The following KIF1B variants were observed in gnomAD, a reference collection of about 807,000 sequenced individuals.
The protein encoded by KIF1B is kinesin family member 1B.
In KIF1B, 76 loss-of-function variants were observed where a neutral mutation model predicts 241.9. That is an observed-to-expected ratio of 0.31 (90% CI 0.26 to 0.38). The LOEUF is 0.38. Ranked by LOEUF, KIF1B falls within the 10% of genes least tolerant of loss-of-function variation. The pLI is 1.00. For synonymous variants in KIF1B, 750 were observed against 796.7 expected, an observed-to-expected ratio of 0.94 and a Z score of 0.99; for missense variants, 1,622 against 2,271.4, an observed-to-expected ratio of 0.71 and a Z score of 5.81.
At chr1:10,324,996 G>A (rs1651675130) in intron 26 of KIF1B, 101 bp downstream of exon 26, 4 of 1,292,812 alleles carry the variant, frequency 3.1e-6, no homozygotes, top group Non-Finnish European at 4.5e-6. Flanking sequence ...GAAAAAAAAA[G>A]GTGTAAAAAG....
At chr1:10,324,111 T>C (rs1316268809) in intron 25 of KIF1B, 49 bp downstream of exon 25, 1 of 1,483,064 alleles carries the variant, frequency 6.7e-7, no homozygotes, top group South Asian at 1.1e-5. Flanking sequence ...GAAATAACAA[T>C]GACCTGCTCA....
At chr1:10,259,505 A>AAT (rs1553162997) in intron 4 of KIF1B, among the ~76,000 whole-genome samples, 86 of 121,588 alleles carry the variant, frequency 7.1e-4, no homozygotes, top group Admixed American at 2.0e-3. Flanking sequence ...AAAAAAAAAA[A>AAT]TTTTTTTTTT....
intron 4 of KIF1B, among the ~76,000 whole-genome samples, chr1:10,259,826 G>T (rs1252694201): frequency 6.6e-6 from 1 of 151,658 alleles, no homozygotes; most frequent in South Asian, 2.1e-4. Context: ...TAGAGACAGG[G>T]TCTCACCATG....
intron 1 of KIF1B, among the ~76,000 whole-genome samples, chr1:10,219,408 C>G (rs535940964): frequency 6.7e-6 from 1 of 148,828 alleles, no homozygotes; most frequent in Non-Finnish European, 1.5e-5. Flanking sequence ...TGCAGTGAGC[C>G]GAGATCATGC....
chr1:10,351,484 C>T (rs1165677622), intron 37 of KIF1B, among the ~76,000 whole-genome samples: 1 of 152,158 alleles, frequency 6.6e-6, no homozygotes, highest in South Asian at 2.1e-4. Flanking sequence ...TTGTTATTCT[C>T]GCTTGACATA....
At chr1:10,302,467 C>G (rs1055683683) in intron 22 of KIF1B, among the ~76,000 whole-genome samples, 3 of 152,202 alleles carry the variant, frequency 2.0e-5, no homozygotes, top group Non-Finnish European at 4.4e-5. Context: ...TGACTAAGAA[C>G]TGACATGGTC....
At position 10,365,329 on chromosome 1, in the gene KIF1B, T is replaced by A; in HGVS notation, c.4513-80T>A. ...CAGTCTTCCTCCCCGCTGCTGCATG[T>A]GATCATAGCTTTTCACTTTTCTCTC... On this transcript the variant is annotated intron_variant, in intron 42 of 48. Coordinates refer to ENST00000676179, the MANE Select transcript of KIF1B (RefSeq NM_001365951.3). The surrounding 1 kb of genome is among the most constrained non-coding windows in gnomAD (Gnocchi z 4.0). 2 of 1,613,740 alleles carry A rather than the reference T, an allele frequency of 1.2e-6. No homozygotes were observed. The highest frequency in any genetic ancestry group is 1.7e-6 in the Non-Finnish European group (2 of 1,179,740).
At chr1:10,299,191 T>C (rs1426562307) in intron 22 of KIF1B, 2 of 151,768 alleles carry the variant, frequency 1.3e-5, no homozygotes, top group African/African-American at 4.8e-5. Context: ...CAAGAGTTGG[T>C]GATCATTCTG....
intron 22 of KIF1B, chr1:10,305,755 C>T: frequency 9.5e-7 from 1 of 1,056,340 alleles, no homozygotes. Context: ...GTTGTGGTCT[C>T]AGTTTGCCTC....
intron 5 of KIF1B, among the ~76,000 whole-genome samples, chr1:10,266,403 A>C (rs1334856025): frequency 6.6e-6 from 1 of 152,220 alleles, no homozygotes; most frequent in Non-Finnish European, 1.5e-5. Flanking sequence ...AGCTTAATGC[A>C]TTAATCACCA....
intron 22 of KIF1B, chr1:10,304,234 C>G: frequency 6.2e-7 from 1 of 1,614,126 alleles, no homozygotes; most frequent in Non-Finnish European, 8.5e-7. Flanking sequence ...TAAGGATCCC[C>G]AGTTTCCATG....
rs190129558 is a variant in KIF1B at position 10,288,501 on chromosome 1, C to A, written c.1435-2581C>A. ...TAGCCTTTGAGCCTCTGTGTGTGTT[C>A]TGAAGCCTAATGAGAGCCATTTCAG... On this transcript the variant is annotated intron_variant, in intron 15 of 48. Transcript: ENST00000676179. Among the ~76,000 whole-genome samples, 9 of 152,266 alleles carry A rather than the reference C, an allele frequency of 5.9e-5. No homozygotes were observed. The East Asian group carries it at 1.5e-3, about 26-fold the overall frequency.
intron 41 of KIF1B, among the ~76,000 whole-genome samples, chr1:10,364,706 A>G (rs1638516320): frequency 6.6e-6 from 1 of 152,110 alleles, no homozygotes; most frequent in Admixed American, 6.6e-5. Flanking sequence ...TTTGCTACGT[A>G]TAAGAATTAT....
rs1638894650 is a variant in KIF1B, at chr1:10,376,580, A to G, written c.5444A>G (p.Lys1815Arg). Residue 1815 changes from lysine to arginine, a missense_variant, in exon 49 of 49, where the codon AAA becomes AGA. This residue lies in a region of KIF1B where 357 missense variants were observed against 409.0 expected (regional missense o/e 0.87). Coordinates refer to ENST00000676179, the MANE Select transcript of KIF1B (RefSeq NM_001365951.3). ...TCCCGCAGATGCCCGAGCCAGTCGA[A>G]ATACTAAGTGACTCTGCCGAGTGCC... ...KLSRRCPSQS[K>R]Y 6.2e-7 allele frequency: 1 copy of G among 1,613,910 alleles called. No homozygotes were observed. The highest frequency in any genetic ancestry group is 8.5e-7 in the Non-Finnish European group (1 of 1,179,916).
intron 15 of KIF1B, among the ~76,000 whole-genome samples, chr1:10,284,826 C>T (rs535408768): frequency 1.3e-5 from 2 of 152,144 alleles, no homozygotes; most frequent in South Asian, 4.1e-4. Context: ...TGCGCCAATG[C>T]CCTCCAGCCT....
At chr1:10,298,120 A>G (rs1356728662) in intron 22 of KIF1B, among the ~76,000 whole-genome samples, 1 of 152,228 alleles carries the variant, frequency 6.6e-6, no homozygotes, top group Non-Finnish European at 1.5e-5. Context: ...TTCATTTGAT[A>G]TGTAAGAATA....
rs753477704 is a variant in KIF1B at position 10,374,930 on chromosome 1, G to A, written c.5173G>A (p.Val1725Ile). The A allele has an allele frequency of 9.9e-6, 16 of 1,613,910 alleles. No homozygotes were observed. In the East Asian group the frequency reaches 1.1e-4, roughly 11 times the overall value. ...TAACTGGGCTAAACATTTTGTTGTC[G>A]TCCGTCGGCCTTATGTCTTCATCTA... ...YSNWAKHFVVVRRPYVFIYNS... is the reference protein window; with the variant it reads ...YSNWAKHFVVIRRPYVFIYNS... The change falls in exon 47 of 49, where the codon GTC becomes ATC. Residue 1725 changes from valine to isoleucine, a missense_variant. By Grantham distance (29) the Val-to-Ile change is conservative (BLOSUM62 3). Coordinates refer to ENST00000676179, the MANE Select transcript of KIF1B (RefSeq NM_001365951.3). This position sits in a 1 kb window ranked among gnomAD's most constrained non-coding sequence, Gnocchi z 4.3.
chr1:10,375,265 C>T lies in KIF1B; in HGVS notation c.5300C>T (p.Thr1767Ile). Residue 1767 changes from threonine (T) to isoleucine (I), a missense_variant, in exon 48 of 49, where the codon ACC becomes ATC. Thr to Ile is a moderately conservative substitution (Grantham distance 89). Coordinates refer to ENST00000676179, the MANE Select transcript of KIF1B (RefSeq NM_001365951.3). The stretch of plus-strand genomic sequence containing the variant: ...GCATTTTTCTTTCAGACACCAAACA[C>T]CTTTGCTGTCTGCACAAAGCACCGT... ...DQQAMVKTPNTFAVCTKHRGV... is the reference protein window; with the variant it reads ...DQQAMVKTPNIFAVCTKHRGV... 1 of 1,613,080 alleles carries T rather than the reference C, an allele frequency of 6.2e-7. No homozygotes were observed. The highest frequency in any genetic ancestry group is 8.5e-7 in the Non-Finnish European group (1 of 1,178,980).
chr1:10,299,430 T>A (rs1313685906), intron 22 of KIF1B, among the ~76,000 whole-genome samples: 3 of 152,180 alleles, frequency 2.0e-5, no homozygotes, highest in Non-Finnish European at 4.4e-5. Flanking sequence ...AGGGAGGAAC[T>A]GATTTCTAAC....
Sources: allele counts gnomAD v4.1 joint callset (sites outside exome capture counted in the v4.1 genomes callset), GRCh38; gene constraint gnomAD v4.1.1; regional missense constraint gnomAD v4.1.1; non-coding constraint Gnocchi (gnomAD v3.1); transcripts MANE v1.5; gene names NCBI Gene and HGNC (gene_info 2026-07-23, HGNC 2026-07-21).